LY96: variants seen among roughly 807,000 people sequenced by gnomAD.
LY96 encodes the protein myeloid differentiation protein-2.
Under a neutral mutation model 18.9 loss-of-function variants are expected in LY96, and 18 were observed. The observed-to-expected ratio is 0.95, with a 90% CI of 0.66 to 1.41. The LOEUF is 1.41. LY96 is among the 40% of genes most tolerant of loss of function. The pLI, the probability that LY96 is intolerant of heterozygous loss-of-function variation, is 0.00. For missense variants in LY96, 175 were observed against 182.4 expected, an observed-to-expected ratio of 0.96 and a Z score of 0.23; for synonymous variants, 66 against 62.6, an observed-to-expected ratio of 1.06 and a Z score of -0.26.
the LY96 span, among the ~76,000 whole-genome samples, chr8:74,046,993 C>T: frequency 6.7e-6 from 1 of 150,180 alleles, no homozygotes; most frequent in Admixed American, 6.6e-5. Flanking sequence ...CCTCCATTTC[C>T]TGGGTTCAAG....
At chr8:74,039,802 G>T in the LY96 span, among the ~76,000 whole-genome samples, 4 of 152,136 alleles carry the variant, frequency 2.6e-5, no homozygotes, top group African/African-American at 9.7e-5. Flanking sequence ...CCAGGAGTAC[G>T]GGAGGAACAT....
intron 2 of LY96, among the ~76,000 whole-genome samples, chr8:74,006,098 C>A (rs151337628): frequency 2.5e-3 from 377 of 152,286 alleles, no homozygotes; most frequent in African/African-American, 7.6e-3. Flanking sequence ...TTTTTTGACA[C>A]TCTGTATCTG....
chr8:74,079,381 A>G, the LY96 span, among the ~76,000 whole-genome samples: 1 of 152,180 alleles, frequency 6.6e-6, no homozygotes, highest in Non-Finnish European at 1.5e-5. Context: ...TACTAGGTCT[A>G]TTTCTCTGGA....
At chr8:74,081,097 CT>C in the LY96 span, among the ~76,000 whole-genome samples, 1 of 125,620 alleles carries the variant, frequency 8.0e-6, no homozygotes, top group South Asian at 2.6e-4. Context: ...CTCTTTCTTT[CT>C]TTCTTTCTTT....
At chr8:74,071,418 C>A in the LY96 span, among the ~76,000 whole-genome samples, 1 of 152,032 alleles carries the variant, frequency 6.6e-6, no homozygotes, top group African/African-American at 2.4e-5. Context: ...GCACTGCAAC[C>A]AGTTCTCCTC....
At chr8:74,073,357 A>G in the LY96 span, among the ~76,000 whole-genome samples, 15 of 152,204 alleles carry the variant, frequency 9.9e-5, no homozygotes, top group Non-Finnish European at 1.8e-4. Context: ...AGCCATAGGC[A>G]TCCAACAGCG....
intron 1 of LY96, among the ~76,000 whole-genome samples, chr8:73,996,784 G>T (rs145701741): frequency 0.013 from 1,937 of 151,954 alleles, 147 homozygotes; most frequent in Admixed American, 0.11. Flanking sequence ...TTGCTCTGTT[G>T]CCCAGGCTGG....
chr8:74,031,457 C>A (rs1816967910), downstream of LY96, among the ~76,000 whole-genome samples: 1 of 151,866 alleles, frequency 6.6e-6, no homozygotes, highest in African/African-American at 2.4e-5. Context: ...GAAACCCTGT[C>A]TCTACTGAAA....
At chr8:74,046,656 G>C in the LY96 span, among the ~76,000 whole-genome samples, 8 of 151,962 alleles carry the variant, frequency 5.3e-5, no homozygotes, top group Non-Finnish European at 7.4e-5. Context: ...CTTGTTTTTT[G>C]GTGGCATATG....
chr8:74,079,367 A>G, the LY96 span, among the ~76,000 whole-genome samples: 1 of 152,314 alleles, frequency 6.6e-6, no homozygotes, highest in East Asian at 1.9e-4. Context: ...CTCTCTAAGT[A>G]TCTTACTAGG....
At chr8:73,996,708 T>G (rs7388563) in intron 1 of LY96, among the ~76,000 whole-genome samples, 44,921 of 148,504 alleles carry the variant, frequency 0.3, 6,913 homozygotes, top group Admixed American at 0.37. Context: ...CGTGAGCCAC[T>G]GCGCCTGGTC....
At chr8:74,002,043 C>T (rs1262652995) in intron 1 of LY96, among the ~76,000 whole-genome samples, 1 of 34,424 alleles carries the variant, frequency 2.9e-5, no homozygotes, top group African/African-American at 2.1e-4. Context: ...TCCTTCCTTC[C>T]TTCCTTCCTT....
chr8:73,996,609 G>C (rs1303881074), intron 1 of LY96, among the ~76,000 whole-genome samples: 1 of 151,762 alleles, frequency 6.6e-6, no homozygotes, highest in Admixed American at 6.6e-5. Flanking sequence ...AGTAGAGACG[G>C]GGTTTCACCA....
At chr8:74,079,543 G>A in the LY96 span, 10 of 152,258 alleles carry the variant, frequency 6.6e-5, no homozygotes, top group East Asian at 1.5e-3. Flanking sequence ...TGTGGTGTTC[G>A]CTTTGGCAGC....
chr8:74,063,983 T>C, the LY96 span, among the ~76,000 whole-genome samples: 1 of 152,194 alleles, frequency 6.6e-6, no homozygotes, highest in Non-Finnish European at 1.5e-5. Flanking sequence ...ACTGCTAACA[T>C]AATAATCCAT....
intron 2 of LY96, among the ~76,000 whole-genome samples, chr8:74,006,216 A>T (rs1251727243): frequency 6.6e-6 from 1 of 152,010 alleles, no homozygotes; most frequent in Non-Finnish European, 1.5e-5. Context: ...TTCTTTTGAG[A>T]TGGAGTCTCT....
chr8:74,070,546 C>G, the LY96 span, among the ~76,000 whole-genome samples: 9 of 152,186 alleles, frequency 5.9e-5, no homozygotes, highest in South Asian at 1.5e-3. Context: ...GATCATTCTT[C>G]TTTTTGATGC....
At chr8:74,074,592 T>A in the LY96 span, among the ~76,000 whole-genome samples, 1 of 152,194 alleles carries the variant, frequency 6.6e-6, no homozygotes, top group African/African-American at 2.4e-5. Flanking sequence ...AATTACATGA[T>A]GTTTTTCTTC....
the LY96 span, among the ~76,000 whole-genome samples, chr8:74,048,365 A>G: frequency 6.6e-6 from 1 of 151,752 alleles, no homozygotes; most frequent in Non-Finnish European, 1.5e-5. Flanking sequence ...AGGTTCAAGC[A>G]ATTTTCCTGC....
Sources: allele counts gnomAD v4.1 joint callset (sites outside exome capture counted in the v4.1 genomes callset), GRCh38; gene constraint gnomAD v4.1.1; transcripts MANE v1.5; gene names NCBI Gene and HGNC (gene_info 2026-07-23, HGNC 2026-07-21).